EEPD1: variants seen among roughly 807,000 people sequenced by gnomAD.
The protein encoded by EEPD1 is endonuclease/exonuclease/phosphatase family domain-containing protein 1.
A neutral mutation model predicts 46.3 loss-of-function variants in EEPD1; 17 were observed. That is an observed-to-expected ratio of 0.37 (90% CI 0.25 to 0.55). The LOEUF (loss-of-function observed/expected upper bound fraction) is 0.55. EEPD1 is among the 20% of genes least tolerant of loss of function. The pLI, the probability that EEPD1 is intolerant of heterozygous loss-of-function variation, is 0.83. For missense variants in EEPD1, 673 were observed against 745.6 expected, an observed-to-expected ratio of 0.90 and a Z score of 1.13; for synonymous variants, 313 against 315.6, an observed-to-expected ratio of 0.99 and a Z score of 0.09.
chr7:36,280,186 A>G (rs1467746418), intron 3 of EEPD1, among the ~76,000 whole-genome samples: 2 of 152,142 alleles, frequency 1.3e-5, no homozygotes, highest in Non-Finnish European at 2.9e-5. Flanking sequence ...GATGCTAAGG[A>G]GGCAGTGGGA....
At chr7:36,190,585 G>A (rs1296034423) in intron 2 of EEPD1, among the ~76,000 whole-genome samples, 1 of 152,214 alleles carries the variant, frequency 6.6e-6, no homozygotes, top group Non-Finnish European at 1.5e-5. Flanking sequence ...GTGAATCTGT[G>A]GGAGTGATAA....
At position 36,176,298 on chromosome 7, in the gene EEPD1, A is replaced by G. The variant is rs528767204; in HGVS notation, c.878+21096A>G. ...CAGTGCGTTTGGAAGACAGCAAATC[A>G]CTCCAGGAGTGGCCTGAAGACAACC... On this transcript the variant is annotated intron_variant, in intron 2 of 7. Coordinates refer to ENST00000242108, the MANE Select transcript of EEPD1 (RefSeq NM_030636.3). 5.3e-5 allele frequency among the ~76,000 whole-genome samples: 8 copies of G among 152,072 alleles called. No homozygotes were observed. In the East Asian group the frequency reaches 1.5e-3, roughly 29 times the overall value.
chr7:36,176,154 T>G (rs1228529345), intron 2 of EEPD1, among the ~76,000 whole-genome samples: 1 of 151,764 alleles, frequency 6.6e-6, no homozygotes, highest in Non-Finnish European at 1.5e-5. Context: ...GGTGATGCAG[T>G]GGGGGAAAGG....
At chr7:36,206,035 G>T (rs915200057) in intron 2 of EEPD1, among the ~76,000 whole-genome samples, 6 of 152,200 alleles carry the variant, frequency 3.9e-5, no homozygotes. Flanking sequence ...CAGATGACAT[G>T]TAGGCCACTG....
intron 2 of EEPD1, among the ~76,000 whole-genome samples, chr7:36,199,678 C>T (rs779670619): frequency 1.1e-4 from 17 of 152,120 alleles, no homozygotes; most frequent in South Asian, 2.1e-4. Flanking sequence ...TCAGCTGCTT[C>T]GACCCTAAAA....
rs186744033 is a variant in EEPD1 at position 36,194,022 on chromosome 7, C to A, written c.878+38820C>A. Among the ~76,000 whole-genome samples the A allele has an allele frequency of 1.3e-5, 2 of 152,336 alleles. 1 individual carries two copies. The highest frequency in any genetic ancestry group is 2.9e-5 in the Non-Finnish European group (2 of 68,028). ...GGGTTTATTTTGTGTGGTCTTTGAACTCCATATTTTGCGTTCTTTTCATCA... is the reference window on the plus strand; with the variant it reads ...GGGTTTATTTTGTGTGGTCTTTGAAATCCATATTTTGCGTTCTTTTCATCA... On this transcript the variant is annotated intron_variant, in intron 2 of 7. Coordinates refer to ENST00000242108, the MANE Select transcript of EEPD1 (RefSeq NM_030636.3).
intron 6 of EEPD1, among the ~76,000 whole-genome samples, chr7:36,296,522 G>T (rs1012940022): frequency 6.6e-6 from 1 of 151,464 alleles, no homozygotes; most frequent in Non-Finnish European, 1.5e-5. Flanking sequence ...TCCCTGTGCT[G>T]TGTTGGTTTC....
intron 3 of EEPD1, among the ~76,000 whole-genome samples, chr7:36,258,010 G>A (rs572173064): frequency 2.6e-5 from 4 of 152,232 alleles, no homozygotes; most frequent in South Asian, 4.1e-4. Flanking sequence ...TGGGGTTTTC[G>A]TGTGGACATC....
At position 36,239,037 on chromosome 7, in the gene EEPD1, G is replaced by A; in HGVS notation, c.930+1G>A. Reference sequence around the variant, plus strand: ...GCTTGACAGAGAGGCCTTGGAAAAGGTAAATATTTTACTCTTCCTTCCACA... The same window carrying A: ...GCTTGACAGAGAGGCCTTGGAAAAGATAAATATTTTACTCTTCCTTCCACA... On this transcript the variant is annotated splice_donor_variant, in intron 3 of 7. Coordinates refer to ENST00000242108, the MANE Select transcript of EEPD1 (RefSeq NM_030636.3). LOFTEE classifies it high-confidence loss of function. The A allele has an allele frequency of 6.2e-7, 1 of 1,611,436 alleles. No homozygotes were observed. Among genetic ancestry groups the A allele is most frequent in the Non-Finnish European group, 8.5e-7 (1 of 1,179,452 alleles).
rs184087321 is a variant in EEPD1 at position 36,229,918 on chromosome 7, G to A, written c.879-9067G>A. ...CTCTCCCCTTCGTCACCATCCTCCC[G>A]CTCCTGATGTCCAAATCTATAGCCC... On this transcript the variant is annotated intron_variant, in intron 2 of 7. Transcript: ENST00000242108. 3.9e-5 allele frequency among the ~76,000 whole-genome samples: 6 copies of A among 151,900 alleles called. No individual in the cohort carries two copies. In the East Asian group the frequency reaches 1.2e-3, roughly 29 times the overall value.
intron 3 of EEPD1, among the ~76,000 whole-genome samples, chr7:36,248,102 G>T (rs140041949): frequency 1.3e-5 from 2 of 152,152 alleles, no homozygotes; most frequent in African/African-American, 4.8e-5. Flanking sequence ...ATGAGGACAC[G>T]TGAGAGGTTG....
chr7:36,183,346 T>A lies in EEPD1; in HGVS notation c.878+28144T>A, dbSNP rs565242571. On this transcript the variant is annotated intron_variant, in intron 2 of 7. Coordinates refer to ENST00000242108, the MANE Select transcript of EEPD1 (RefSeq NM_030636.3). ...CAGTCTGAGCATGATCTCTTTCTGC[T>A]GAAACGTGGTCACGTCTCCCTGTGA... 9.8e-5 allele frequency among the ~76,000 whole-genome samples: 15 copies of A among 152,312 alleles called. No homozygotes were observed. The South Asian group carries it at 2.9e-3, about 29-fold the overall frequency.
At chr7:36,222,290 TAAGG>T (rs1453102541) in intron 2 of EEPD1, among the ~76,000 whole-genome samples, 4 of 152,214 alleles carry the variant, frequency 2.6e-5, no homozygotes, top group Non-Finnish European at 4.4e-5. Flanking sequence ...AAGAGAATCA[TAAGG>T]AAGAGAACAT....
At chr7:36,167,956 G>A (rs1187124583) in intron 2 of EEPD1, among the ~76,000 whole-genome samples, 3 of 152,138 alleles carry the variant, frequency 2.0e-5, no homozygotes, top group Non-Finnish European at 4.4e-5. Flanking sequence ...TAGAATTGCT[G>A]TGGAAGGGCG....
chr7:36,166,187 G>A (rs1784978394), intron 2 of EEPD1, among the ~76,000 whole-genome samples: 1 of 152,220 alleles, frequency 6.6e-6, no homozygotes, highest in African/African-American at 2.4e-5. Flanking sequence ...TACCTTTGCT[G>A]AACTCAGTTT....
At chr7:36,223,670 C>T (rs989096598) in intron 2 of EEPD1, among the ~76,000 whole-genome samples, 2 of 152,224 alleles carry the variant, frequency 1.3e-5, no homozygotes, top group Non-Finnish European at 2.9e-5. Context: ...TAAGCCACTT[C>T]ATTGCTCTGA....
rs574560126 is a variant in EEPD1, at chr7:36,184,069, G to A, written c.878+28867G>A. On this transcript the variant is annotated intron_variant, in intron 2 of 7. Coordinates refer to ENST00000242108, the MANE Select transcript of EEPD1 (RefSeq NM_030636.3). ...AGCAAACATTTTCTGCAAAGGCTCAGATAGTAAATATTTCAGGTTTTTCCA... is the reference window on the plus strand; with the variant it reads ...AGCAAACATTTTCTGCAAAGGCTCAAATAGTAAATATTTCAGGTTTTTCCA... Among the ~76,000 whole-genome samples, 4 of 152,116 alleles carry A rather than the reference G, an allele frequency of 2.6e-5. No individual in the cohort carries two copies. In the South Asian group the frequency reaches 8.3e-4, roughly 32 times the overall value.
At chr7:36,263,089 G>A (rs975920283) in intron 3 of EEPD1, among the ~76,000 whole-genome samples, 1 of 152,180 alleles carries the variant, frequency 6.6e-6, no homozygotes, top group Admixed American at 6.5e-5. Context: ...TGTGGTACCA[G>A]CTACTTGGGA....
chr7:36,155,990 G>A (rs1266556645), intron 2 of EEPD1, among the ~76,000 whole-genome samples: 1 of 152,210 alleles, frequency 6.6e-6, no homozygotes, highest in South Asian at 2.1e-4. Context: ...AACTCCTGCT[G>A]TTAGTAAAAT....
Sources: allele counts gnomAD v4.1 joint callset (sites outside exome capture counted in the v4.1 genomes callset), GRCh38; gene constraint gnomAD v4.1.1; transcripts MANE v1.5; gene names NCBI Gene and HGNC (gene_info 2026-07-23, HGNC 2026-07-21).